The following C1orf21 variants were observed in gnomAD, a reference collection of about 807,000 sequenced individuals.
The protein encoded by C1orf21 is uncharacterized protein C1orf21.
A neutral mutation model predicts 18.7 loss-of-function variants in C1orf21; 3 were observed. The ratio of observed to expected loss-of-function variants is 0.16; its 90% CI spans 0.07 to 0.42. The LOEUF is 0.42. C1orf21 is among the 10% of genes least tolerant of loss of function. The pLI is 0.99. For missense variants in C1orf21, 104 were observed against 143.6 expected (o/e 0.72, Z 1.41); for synonymous variants, 41 against 46.4 (o/e 0.88, Z 0.47).
At chr1:184,410,100 T>C (rs1656308777) in intron 1 of C1orf21, among the ~76,000 whole-genome samples, 1 of 152,218 alleles carries the variant, frequency 6.6e-6, no homozygotes, top group Admixed American at 6.5e-5. Context: ...GTTCTTCTTA[T>C]TTAAGAACTT....
At chr1:184,443,333 C>G (rs186415871) in intron 1 of C1orf21, among the ~76,000 whole-genome samples, 195 of 152,302 alleles carry the variant, frequency 1.3e-3, no homozygotes, top group African/African-American at 4.5e-3. Context: ...CATACAATCG[C>G]TATTCTGAGG....
At chr1:184,458,687 A>G (rs924610261) in intron 1 of C1orf21, among the ~76,000 whole-genome samples, 1 of 152,202 alleles carries the variant, frequency 6.6e-6, no homozygotes, top group Admixed American at 6.5e-5. Flanking sequence ...AAATATTTCA[A>G]AATTTTCACA....
intron 3 of C1orf21, among the ~76,000 whole-genome samples, chr1:184,570,612 T>C (rs868067516): frequency 6.6e-6 from 1 of 152,216 alleles, no homozygotes; most frequent in Non-Finnish European, 1.5e-5. Context: ...AAGGGTGTGC[T>C]TAGACACATT....
At chr1:184,513,084 T>C (rs1256083267) in intron 3 of C1orf21, among the ~76,000 whole-genome samples, 6 of 152,184 alleles carry the variant, frequency 3.9e-5, no homozygotes, top group Admixed American at 3.9e-4. Flanking sequence ...ATTCCAAAGC[T>C]CCACCCCTTT....
rs10553261 is a variant in C1orf21, at chr1:184,475,734, G to GGTGT, written c.-124-1607_-124-1604dup. Among the ~76,000 whole-genome samples, 257 of 138,142 alleles carry GGTGT rather than the reference G, an allele frequency of 1.9e-3. 2 individuals are homozygous for GGTGT. Among genetic ancestry groups the GGTGT allele is most frequent in the Middle Eastern group, 3.6e-3 (1 of 276 alleles). 90.6% of individuals were successfully genotyped at this position (138,142 alleles called of 152,430 possible). The stretch of plus-strand genomic sequence containing the variant: ...ACATTACTGCTAAATAATGGAATAG[G>GGTGT]GTGTGTGTGTGTGTGTGTGTGTGTG... On this transcript the variant is annotated intron_variant, in intron 1 of 5. Coordinates refer to ENST00000235307, the MANE Select transcript of C1orf21 (RefSeq NM_030806.4).
chr1:184,430,034 C>T (rs2101970289), intron 1 of C1orf21, among the ~76,000 whole-genome samples: 1 of 151,242 alleles, frequency 6.6e-6, no homozygotes, highest in East Asian at 1.9e-4. Flanking sequence ...ATGGCGTGAA[C>T]CCGGGAGGTG....
intron 1 of C1orf21, among the ~76,000 whole-genome samples, chr1:184,449,270 G>C (rs570100908): frequency 6.9e-6 from 1 of 144,802 alleles, no homozygotes; most frequent in African/African-American, 2.6e-5. Context: ...TCATTGTTCA[G>C]TTCCCACCTA....
chr1:184,470,034 G>A (rs1657471519), intron 1 of C1orf21, among the ~76,000 whole-genome samples: 1 of 152,172 alleles, frequency 6.6e-6, no homozygotes, highest in Admixed American at 6.5e-5. Context: ...AAATCAAATT[G>A]TGCCTTTTAG....
intron 1 of C1orf21, among the ~76,000 whole-genome samples, chr1:184,464,844 G>C (rs955459718): frequency 5.9e-5 from 9 of 152,202 alleles, no homozygotes; most frequent in Non-Finnish European, 1.0e-4. Flanking sequence ...AGTAGGAAGA[G>C]GCAACAGCGG....
At chr1:184,490,238 G>A (rs1271629058) in intron 2 of C1orf21, among the ~76,000 whole-genome samples, 1 of 152,256 alleles carries the variant, frequency 6.6e-6, no homozygotes, top group African/African-American at 2.4e-5. Context: ...CACGGAGGCT[G>A]TAAAGACGGG....
At chr1:184,444,197 A>G (rs548193987) in intron 1 of C1orf21, among the ~76,000 whole-genome samples, 1 of 152,286 alleles carries the variant, frequency 6.6e-6, no homozygotes, top group East Asian at 1.9e-4. Flanking sequence ...TTTGTACAGT[A>G]ACTACCTTGG....
chr1:184,499,535 A>G (rs1177444628), intron 2 of C1orf21, among the ~76,000 whole-genome samples: 1 of 152,198 alleles, frequency 6.6e-6, no homozygotes, highest in African/African-American at 2.4e-5. Context: ...CATGAAGGCT[A>G]GATGTACTTC....
intron 3 of C1orf21, among the ~76,000 whole-genome samples, chr1:184,585,781 C>G (rs1659344122): frequency 6.6e-6 from 1 of 152,172 alleles, no homozygotes; most frequent in South Asian, 2.1e-4. Context: ...CATCCATGTT[C>G]CTGCAAAGGA....
chr1:184,399,761 C>A (rs190979757), intron 1 of C1orf21, among the ~76,000 whole-genome samples: 1,541 of 152,276 alleles, frequency 0.01, 27 homozygotes, highest in African/African-American at 0.036. Flanking sequence ...TTAGTCTGAT[C>A]ACAGGCCCTG....
At chr1:184,406,148 G>C (rs1052508911) in intron 1 of C1orf21, among the ~76,000 whole-genome samples, 2 of 151,974 alleles carry the variant, frequency 1.3e-5, no homozygotes, top group African/African-American at 4.8e-5. Context: ...TCACTTTTTT[G>C]GGGATAATTA....
At chr1:184,616,726 C>CATGT (rs112362476) in intron 5 of C1orf21, among the ~76,000 whole-genome samples, 1 of 150,718 alleles carries the variant, frequency 6.6e-6, no homozygotes, top group South Asian at 2.1e-4. Flanking sequence ...GTTGTGTGCA[C>CATGT]GTGTGTGTGT....
intron 1 of C1orf21, among the ~76,000 whole-genome samples, chr1:184,390,813 G>A (rs1655959783): frequency 6.6e-6 from 1 of 152,050 alleles, no homozygotes. Context: ...AATTTTAAAA[G>A]TCCCGTAGCA....
intron 3 of C1orf21, among the ~76,000 whole-genome samples, chr1:184,541,334 A>G (rs1333486986): frequency 6.6e-6 from 1 of 152,194 alleles, no homozygotes; most frequent in East Asian, 1.9e-4. Context: ...TATTTAAGCA[A>G]ATATCTTTAA....
chr1:184,405,170 T>C (rs1446524572), intron 1 of C1orf21, among the ~76,000 whole-genome samples: 2 of 152,204 alleles, frequency 1.3e-5, no homozygotes, highest in African/African-American at 4.8e-5. Flanking sequence ...ATTTGGCATG[T>C]TTTTATTAGA....
Sources: gnomAD v4.1 joint callset for allele counts (sites outside exome capture counted in the v4.1 genomes callset) on GRCh38, gnomAD v4.1.1 for gene constraint, MANE v1.5 for transcripts, NCBI Gene and HGNC (gene_info 2026-07-23, HGNC 2026-07-21) for gene names.